Variants in PTCD2 observed in about 807,000 individuals in gnomAD.
PTCD2 encodes pentatricopeptide repeat-containing protein 2, mitochondrial.
Under a neutral mutation model 42.6 loss-of-function variants are expected in PTCD2, and 31 were observed. That is an observed-to-expected ratio of 0.73 (90% confidence interval 0.55 to 0.98). The LOEUF (loss-of-function observed/expected upper bound fraction) is 0.98, where lower values mean the gene tolerates loss of function less well. PTCD2 is among the 50% of genes least tolerant of loss of function. PTCD2 has a pLI of 0.00. For missense variants in PTCD2, 476 were observed against 454.8 expected, an observed-to-expected ratio of 1.05 and a Z score of -0.42; for synonymous variants, 183 against 170.9, an observed-to-expected ratio of 1.07 and a Z score of -0.55.
At chr5:72,337,799 T>C (rs1384473024) in intron 6 of PTCD2, among the ~76,000 whole-genome samples, 2 of 152,028 alleles carry the variant, frequency 1.3e-5, no homozygotes, top group African/African-American at 4.8e-5. Flanking sequence ...TCTCAAAAAA[T>C]AAAATAAATA....
In PTCD2 at chr5:72,366,392, G is replaced by A. The variant is rs1463138541; in HGVS notation, c.*7965G>A. 1 of 152,196 alleles carries A rather than the reference G, an allele frequency of 6.6e-6. No homozygotes were observed. Among genetic ancestry groups the A allele is most frequent in the East Asian group, 1.9e-4 (1 of 5,194 alleles). The allele number at this position is 152,196 out of a possible 1,614,324, so 9.4% of individuals were successfully genotyped here. A position where few individuals can be genotyped will look rare whatever the true frequency, so the allele number is the denominator to read the frequency against. On this transcript the variant is annotated 3_prime_UTR_variant, in exon 10 of 10. Coordinates refer to ENST00000380639, the MANE Select transcript of PTCD2 (RefSeq NM_024754.5). ...GTGGATATAACACTAGAGAGCGGGA[G>A]AGCACAGTATTTGAACCCAGGAGGT...
chr5:72,320,416 C>T lies in PTCD2; in HGVS notation c.34C>T (p.Pro12Ser), dbSNP rs767174557. Residue 12 changes from proline to serine, a missense_variant, in exon 1 of 10, where the codon CCC (proline) becomes TCC (serine). By Grantham distance (74) the Pro-to-Ser change is moderately conservative (BLOSUM62 -1). Transcript: ENST00000380639. ...VRDSMAAAFR[P>S]SNRVLLQALQ... ...AGACAGTATGGCTGCTGCATTTCGG[C>T]CCTCGAATCGAGTTCTCCTGCAGGC... 6.2e-7 allele frequency: 1 copy of T among 1,614,146 alleles called. No individual in the cohort carries two copies. The highest frequency in any genetic ancestry group is 1.1e-5 in the South Asian group (1 of 91,062).
intron 9 of PTCD2, among the ~76,000 whole-genome samples, chr5:72,357,434 A>G (rs1468110048): frequency 1.3e-5 from 2 of 152,120 alleles, no homozygotes; most frequent in African/African-American, 4.8e-5. Context: ...TATCTGGGCT[A>G]TGGTGTGGGC....
Position 72,338,736 on chromosome 5 carries a change from G to A in PTCD2, c.753+1G>A. On this transcript the variant is annotated splice_donor_variant, in intron 7 of 9. Transcript: ENST00000380639. LOFTEE classifies it high-confidence loss of function. ...CGCTGTGGCATTAGCTCTGAATCAG[G>A]TAAAGCCTTGTGGTGTACATAAGTA... is the stretch of plus-strand genomic sequence containing the variant. 13 of 1,554,934 alleles carry A rather than the reference G, an allele frequency of 8.4e-6. No individual in the cohort carries two copies. Among genetic ancestry groups the A allele is most frequent in the South Asian group, 2.2e-5 (2 of 89,298 alleles).
At chr5:72,339,843 T>G (rs1460708560) in intron 7 of PTCD2, among the ~76,000 whole-genome samples, 3 of 152,110 alleles carry the variant, frequency 2.0e-5, no homozygotes, top group Non-Finnish European at 1.5e-5. Context: ...TTGCCCTGAG[T>G]TCAACCTTAT....
At chr5:72,320,907 G>A (rs183466247) in intron 1 of PTCD2, 31 of 192,750 alleles carry the variant, frequency 1.6e-4, no homozygotes, top group East Asian at 1.6e-3. Flanking sequence ...CCGGGTTCAA[G>A]CGATTCTCCT....
At chr5:72,338,810 C>A in intron 7 of PTCD2, 75 bp downstream of exon 7, 2 of 815,418 alleles carry the variant, frequency 2.5e-6, no homozygotes, top group East Asian at 2.6e-5. Flanking sequence ...CTTGCTTTTC[C>A]TTTTTTCCTT....
chr5:72,322,304 C>A, intron 2 of PTCD2, 40 bp downstream of exon 2: 2 of 1,228,382 alleles, frequency 1.6e-6, no homozygotes, highest in Non-Finnish European at 2.4e-6. Flanking sequence ...ATTTATCTGT[C>A]ATTTAAGTTT....
intron 2 of PTCD2, among the ~76,000 whole-genome samples, chr5:72,324,751 G>T (rs1751050006): frequency 6.6e-6 from 1 of 152,058 alleles, no homozygotes; most frequent in South Asian, 2.1e-4. Context: ...AATTTAGCTT[G>T]CCCTCCCCAA....
At chr5:72,339,955 C>T (rs1482260653) in intron 7 of PTCD2, among the ~76,000 whole-genome samples, 1 of 152,070 alleles carries the variant, frequency 6.6e-6, no homozygotes, top group Non-Finnish European at 1.5e-5. Flanking sequence ...TTTATTTTTG[C>T]AATCTTTCTG....
At chr5:72,340,572 G>A (rs1031320962) in intron 7 of PTCD2, among the ~76,000 whole-genome samples, 1 of 152,138 alleles carries the variant, frequency 6.6e-6, no homozygotes, top group Non-Finnish European at 1.5e-5. Flanking sequence ...AGTTAAATAG[G>A]TTGTTTGGTG....
Position 72,366,590 on chromosome 5 carries a change from G to A in PTCD2, c.*8163G>A, listed in dbSNP as rs114514072. ...CGTCCAGAGTCACTATTTTTAAAAGGTGCTAGTTTTCAAAAGCATTTCTGG... is the reference window on the plus strand; with the variant it reads ...CGTCCAGAGTCACTATTTTTAAAAGATGCTAGTTTTCAAAAGCATTTCTGG... On this transcript the variant is annotated 3_prime_UTR_variant, in exon 10 of 10. Coordinates refer to ENST00000380639, the MANE Select transcript of PTCD2 (RefSeq NM_024754.5). The A allele has an allele frequency of 3.9e-3, 594 of 152,328 alleles. 1 individual carries two copies. Among genetic ancestry groups the A allele is most frequent in the Non-Finnish European group, 6.3e-3 (430 of 68,044 alleles). 9.4% of individuals were successfully genotyped at this position (152,328 alleles called of 1,614,324 possible).
At chr5:72,337,729 G>C (rs936056170) in intron 6 of PTCD2, among the ~76,000 whole-genome samples, 4 of 152,192 alleles carry the variant, frequency 2.6e-5, no homozygotes, top group African/African-American at 4.8e-5. Context: ...GGAGGCAGAC[G>C]TTGCGGTGAG....
At chr5:72,327,138 A>G (rs976619502) in intron 3 of PTCD2, among the ~76,000 whole-genome samples, 1 of 152,124 alleles carries the variant, frequency 6.6e-6, no homozygotes. Context: ...CTCTTTCCTG[A>G]TAGGGTAAGA....
rs1753246683 is a variant in PTCD2 at position 72,368,246 on chromosome 5, T to C, written c.*9819T>C. ...CACATTGCTAAGCCCAAGTAGCAAA[T>C]TTCCTGACCCCATTTTAAAGGTTCT... On this transcript the variant is annotated 3_prime_UTR_variant, in exon 10 of 10. Transcript: ENST00000380639. 1 of 152,140 alleles carries C rather than the reference T, an allele frequency of 6.6e-6. No individual in the cohort carries two copies. Among genetic ancestry groups the C allele is most frequent in the Non-Finnish European group, 1.5e-5 (1 of 68,030 alleles). 9.4% of individuals were successfully genotyped at this position (152,140 alleles called of 1,614,324 possible).
At position 72,358,251 on chromosome 5, in the gene PTCD2, A is replaced by G; in HGVS notation, c.991A>G (p.Lys331Glu). 2 of 1,614,108 alleles carry G rather than the reference A, an allele frequency of 1.2e-6. No homozygotes were observed. Among genetic ancestry groups the G allele is most frequent in the Non-Finnish European group, 1.7e-6 (2 of 1,179,996 alleles). ...GAAGGATGTGCCTGCCCTTGTGGCC[A>G]AATTTGATGAGATCTATGGGACACT... ...KVKDVPALVA[K>E]FDEIYGTLHI... Residue 331 changes from lysine (K) to glutamate (E), a missense_variant, in exon 10 of 10, where the codon AAA (lysine) becomes GAA (glutamate). Coordinates refer to ENST00000380639, the MANE Select transcript of PTCD2 (RefSeq NM_024754.5).
At chr5:72,336,729 A>T (rs929215347) in intron 6 of PTCD2, among the ~76,000 whole-genome samples, 13 of 151,686 alleles carry the variant, frequency 8.6e-5, no homozygotes, top group African/African-American at 2.4e-4. Context: ...AAAAAAAAAA[A>T]AGTTATTTTA....
intron 7 of PTCD2, among the ~76,000 whole-genome samples, chr5:72,342,170 G>A (rs1377603733): frequency 6.6e-6 from 1 of 152,162 alleles, no homozygotes; most frequent in Non-Finnish European, 1.5e-5. Context: ...AACAGAGCGG[G>A]ACACCAGAGC....
intron 6 of PTCD2, among the ~76,000 whole-genome samples, chr5:72,338,372 T>C (rs1751867617): frequency 6.6e-6 from 1 of 152,176 alleles, no homozygotes; most frequent in Admixed American, 6.5e-5. Context: ...TGTTTTCTGG[T>C]TAAAACTGCC....
Sources: allele counts gnomAD v4.1 joint callset (sites outside exome capture counted in the v4.1 genomes callset), GRCh38; gene constraint gnomAD v4.1.1; transcripts MANE v1.5; gene names NCBI Gene and HGNC (gene_info 2026-07-23, HGNC 2026-07-21).